PCNX1: variants seen among roughly 807,000 people sequenced by gnomAD.
PCNX1 encodes the protein pecanex-like protein 1.
Under a neutral mutation model 242.2 loss-of-function variants are expected in PCNX1, and 78 were observed. That is an observed-to-expected ratio of 0.32 (90% CI 0.27 to 0.39). The LOEUF (loss-of-function observed/expected upper bound fraction) is 0.39. Ranked by LOEUF, PCNX1 falls within the 10% of genes least tolerant of loss-of-function variation. PCNX1 has a pLI of 1.00. For synonymous variants in PCNX1, 1,024 were observed against 1,032.9 expected (o/e 0.99, Z 0.17); for missense variants, 2,581 against 2,856.5 (o/e 0.90, Z 2.20).
At chr14:70,947,602 C>T (rs966250844) in intron 2 of PCNX1, among the ~76,000 whole-genome samples, 7 of 152,098 alleles carry the variant, frequency 4.6e-5, no homozygotes, top group African/African-American at 1.4e-4. Context: ...CTCTTAATCC[C>T]GTCTTCTTCT....
intron 9 of PCNX1, 104 bp from the exon 10 acceptor site, chr14:71,011,388 A>G: frequency 1.4e-6 from 1 of 722,564 alleles, no homozygotes; most frequent in Non-Finnish European, 2.5e-6. Context: ...TGCATTTTGA[A>G]GTTAACATGG....
chr14:71,051,465 T>TA (rs909560752), intron 23 of PCNX1, among the ~76,000 whole-genome samples: 7 of 152,178 alleles, frequency 4.6e-5, no homozygotes, highest in Non-Finnish European at 1.0e-4. Flanking sequence ...TAAACTTCTG[T>TA]AAAAAATTTT....
chr14:71,044,054 C>T (rs575539965), intron 19 of PCNX1, among the ~76,000 whole-genome samples: 16 of 152,234 alleles, frequency 1.1e-4, no homozygotes, highest in South Asian at 6.2e-4. Flanking sequence ...TGGTTGTGCA[C>T]GGTAGTGTAC....
chr14:70,953,670 T>C (rs1371072639), intron 2 of PCNX1, among the ~76,000 whole-genome samples: 33 of 148,820 alleles, frequency 2.2e-4, no homozygotes, highest in South Asian at 4.2e-4. Context: ...CTTTCTTTTT[T>C]TTTTTTTTTT....
Position 71,012,975 on chromosome 14 carries a change from T to A in PCNX1, c.2779-10T>A, listed in dbSNP as rs2059864636. ...ATATTTTAAGCCTTTCAATGCTGAC[T>A]TTCTTTTAGCTCTCTCTCCCACAGA... On this transcript the variant is annotated splice_polypyrimidine_tract_variant and intron_variant, in intron 10 of 35. Transcript: ENST00000304743. 1.3e-6 allele frequency: 2 copies of A among 1,594,660 alleles called. No individual in the cohort carries two copies. Among genetic ancestry groups the A allele is most frequent in the African/African-American group, 2.7e-5 (2 of 74,530 alleles).
rs1438285185 is a variant in PCNX1 at position 71,027,050 on chromosome 14, GA to G, written c.3466+174del. 6.5e-6 allele frequency: 3 copies of G among 461,750 alleles called. No homozygotes were observed. In the East Asian group the frequency reaches 1.1e-4, roughly 16 times the overall value. 28.6% of individuals were successfully genotyped at this position (461,750 alleles called of 1,614,324 possible). A position where few individuals can be genotyped will look rare whatever the true frequency, so the allele number is the denominator to read the frequency against. ...TGAGAAGCAATTAATTTGTGGATAG[GA>G]AAAAATAGTCAAGTCTGCTACTTTA... is the stretch of plus-strand genomic sequence containing the variant. On this transcript the variant is annotated intron_variant, in intron 15 of 35. Transcript: ENST00000304743.
chr14:70,994,422 T>TAG (rs2059278438), intron 7 of PCNX1, among the ~76,000 whole-genome samples: 3 of 117,972 alleles, frequency 2.5e-5, no homozygotes, highest in Non-Finnish European at 3.6e-5. Flanking sequence ...TATATATATA[T>TAG]ATATATATGT....
intron 2 of PCNX1, among the ~76,000 whole-genome samples, chr14:70,947,799 G>A (rs1286043218): frequency 6.6e-6 from 1 of 152,216 alleles, no homozygotes; most frequent in African/African-American, 2.4e-5. Context: ...GGGCGGAACA[G>A]AGTCATATTT....
intron 1 of PCNX1, among the ~76,000 whole-genome samples, chr14:70,934,683 T>A (rs984012774): frequency 2.0e-5 from 3 of 152,238 alleles, no homozygotes; most frequent in Admixed American, 6.5e-5. Flanking sequence ...TTCCCAGATC[T>A]TCTTGCTCAC....
chr14:71,017,080 A>T (rs1203715394), intron 11 of PCNX1, among the ~76,000 whole-genome samples: 1 of 152,214 alleles, frequency 6.6e-6, no homozygotes, highest in African/African-American at 2.4e-5. Flanking sequence ...TATTAAAAGC[A>T]TAATTAGAGA....
At chr14:70,992,427 A>AT (rs979003326) in intron 7 of PCNX1, among the ~76,000 whole-genome samples, 4 of 151,884 alleles carry the variant, frequency 2.6e-5, no homozygotes, top group African/African-American at 7.2e-5. Context: ...TCCACCAACT[A>AT]TTTTTTTTGG....
rs1162809392 is a variant in PCNX1 at position 71,103,456 on chromosome 14, G to T, written c.5882G>T (p.Arg1961Leu). 2 of 1,614,128 alleles carry T rather than the reference G, an allele frequency of 1.2e-6. No homozygotes were observed. Among genetic ancestry groups the T allele is most frequent in the Non-Finnish European group, 1.7e-6 (2 of 1,180,014 alleles). ...CAACAGCAGGAGCTTGTTTTTCTAC[G>T]TAACCGTAACCCAGAGAGAGGTAGC... ...AGQQQELVFL[R>L]NRNPERGSIQ... Residue 1961 changes from arginine (R) to leucine (L), a missense_variant, in exon 32 of 36, where the codon CGT becomes CTT. Physicochemically the swap from Arg to Leu is moderately radical, Grantham distance 102. Transcript: ENST00000304743.
intron 2 of PCNX1, among the ~76,000 whole-genome samples, chr14:70,952,135 G>A (rs1386360089): frequency 6.6e-6 from 1 of 152,140 alleles, no homozygotes; most frequent in Non-Finnish European, 1.5e-5. Context: ...ATGAATAAAT[G>A]AAATAATATA....
At chr14:71,040,381 T>A (rs2060670103) in intron 19 of PCNX1, among the ~76,000 whole-genome samples, 1 of 152,180 alleles carries the variant, frequency 6.6e-6, no homozygotes, top group African/African-American at 2.4e-5. Context: ...GCTTGAAGAT[T>A]ATCTTTTTAT....
intron 2 of PCNX1, among the ~76,000 whole-genome samples, chr14:70,952,887 G>A (rs1331755764): frequency 1.3e-5 from 2 of 152,138 alleles, no homozygotes; most frequent in African/African-American, 2.4e-5. Context: ...GTGTATGAAA[G>A]TCCTTATTGT....
intron 12 of PCNX1, among the ~76,000 whole-genome samples, chr14:71,019,484 CG>C (rs2060041027): frequency 6.6e-6 from 1 of 152,144 alleles, no homozygotes; most frequent in African/African-American, 2.4e-5. Flanking sequence ...TCACTGCAAC[CG>C]TCGCCTCCCA....
At chr14:71,072,735 C>T (rs546596050) in intron 26 of PCNX1, among the ~76,000 whole-genome samples, 1 of 152,132 alleles carries the variant, frequency 6.6e-6, no homozygotes, top group South Asian at 2.1e-4. Flanking sequence ...TGAGTTGAAA[C>T]AAGACCACAG....
At chr14:71,001,157 CAATT>C (rs2059494790) in intron 8 of PCNX1, among the ~76,000 whole-genome samples, 1 of 97,946 alleles carries the variant, frequency 1.0e-5, no homozygotes, top group African/African-American at 5.0e-5. Flanking sequence ...ATTATTTAAT[CAATT>C]AACCCCATTG....
intron 1 of PCNX1, among the ~76,000 whole-genome samples, chr14:70,936,264 T>C (rs1453247843): frequency 1.3e-5 from 2 of 151,930 alleles, no homozygotes; most frequent in African/African-American, 4.8e-5. Context: ...ATATCTCCTA[T>C]TGCTATCGCT....
Sources: gnomAD v4.1 joint callset for allele counts (sites outside exome capture counted in the v4.1 genomes callset) on GRCh38, gnomAD v4.1.1 for gene constraint, MANE v1.5 for transcripts, NCBI Gene and HGNC (gene_info 2026-07-23, HGNC 2026-07-21) for gene names.